COL24A1: variants seen among roughly 807,000 people sequenced by gnomAD.
COL24A1 encodes collagen type XXIV alpha 1 chain, also known as collagen alpha-1(XXIV) chain.
Under a neutral mutation model 253.9 loss-of-function variants are expected in COL24A1, and 224 were observed. That is an observed-to-expected ratio of 0.88 (90% CI 0.79 to 0.99). The LOEUF (loss-of-function observed/expected upper bound fraction) is 0.99, where lower values mean the gene tolerates loss of function less well. COL24A1 is among the 50% of genes least tolerant of loss of function. The pLI is 0.00. For missense variants in COL24A1, 2,131 were observed against 2,068.5 expected, an observed-to-expected ratio of 1.03 and a Z score of -0.59; for synonymous variants, 685 against 673.7, an observed-to-expected ratio of 1.02 and a Z score of -0.26.
chr1:86,071,561 C>T (rs1701874857), intron 7 of COL24A1, among the ~76,000 whole-genome samples: 3 of 151,974 alleles, frequency 2.0e-5, no homozygotes, highest in African/African-American at 7.3e-5. Flanking sequence ...AAAGATATTC[C>T]ATGCCAATGG....
chr1:86,102,514 G>A (rs1190622853), intron 5 of COL24A1, among the ~76,000 whole-genome samples: 1 of 151,998 alleles, frequency 6.6e-6, no homozygotes, highest in Non-Finnish European at 1.5e-5. Flanking sequence ...TGATATGGGT[G>A]TTTAGTGCAA....
At position 85,993,441 on chromosome 1, in the gene COL24A1, G is replaced by GCC. The variant is rs1360713433; in HGVS notation, c.2311-5788_2311-5787insGG. Among the ~76,000 whole-genome samples the GCC allele has an allele frequency of 2.7e-4, 29 of 109,158 alleles. 1 individual carries two copies. Among genetic ancestry groups the GCC allele is most frequent in the South Asian group, 1.7e-3 (5 of 2,930 alleles). The allele number at this position is 109,158 out of a possible 152,430, so 71.6% of individuals were successfully genotyped here. On this transcript the variant is annotated intron_variant, in intron 19 of 59. Transcript: ENST00000370571. ...GTCTTATGCTAAGTGAAAGAAGCCA[G>GCC]ACAAAAAAAAAAGAGTACATACTAT...
chr1:85,764,453 GAT>G (rs1667149530), intron 53 of COL24A1, among the ~76,000 whole-genome samples: 1 of 106,592 alleles, frequency 9.4e-6, no homozygotes, highest in African/African-American at 3.9e-5. Context: ...CTAGGTGGAG[GAT>G]ACACACACAC....
chr1:85,762,542 TCAAA>T (rs1666943780), intron 53 of COL24A1, among the ~76,000 whole-genome samples: 1 of 152,196 alleles, frequency 6.6e-6, no homozygotes, highest in Non-Finnish European at 1.5e-5. Context: ...TTAATACTAG[TCAAA>T]ATTAATACTA....
At chr1:85,907,166 A>T (rs1162919568) in intron 28 of COL24A1, 28 bp downstream of exon 28, 1 of 1,577,174 alleles carries the variant, frequency 6.3e-7, no homozygotes, top group Admixed American at 1.7e-5. Flanking sequence ...TGGGGGGGTT[A>T]ATGTACTTTT....
At chr1:85,921,112 AAC>A (rs1402576145) in intron 24 of COL24A1, among the ~76,000 whole-genome samples, 1 of 152,176 alleles carries the variant, frequency 6.6e-6, no homozygotes, top group Non-Finnish European at 1.5e-5. Flanking sequence ...ATGGAGGGTG[AAC>A]CAAATCAGGG....
At chr1:85,992,082 C>T (rs1694335879) in intron 19 of COL24A1, among the ~76,000 whole-genome samples, 1 of 152,008 alleles carries the variant, frequency 6.6e-6, no homozygotes, top group South Asian at 2.1e-4. Flanking sequence ...CTCCCCCCAC[C>T]CCACAACAGG....
chr1:85,891,105 C>T (rs995615813), intron 31 of COL24A1, among the ~76,000 whole-genome samples: 3 of 151,514 alleles, frequency 2.0e-5, no homozygotes, highest in Non-Finnish European at 2.9e-5. Flanking sequence ...GACTAGAGTG[C>T]AGCAGCATGA....
At chr1:85,824,151 A>T (rs986382962) in intron 43 of COL24A1, among the ~76,000 whole-genome samples, 1 of 152,150 alleles carries the variant, frequency 6.6e-6, no homozygotes, top group Non-Finnish European at 1.5e-5. Flanking sequence ...AGCATAAGTG[A>T]CACAGAGGTA....
rs879794472 is a variant in COL24A1 at position 85,747,214 on chromosome 1, C to T, written c.4438-1708G>A. On this transcript the variant is annotated intron_variant, in intron 55 of 59. Transcript: ENST00000370571. ...GCAACCTCCGCTTCCCAGGTTCAAG[C>T]GATTCTCCTGCCTCTCAGCCTCCCA... 4.0e-5 allele frequency among the ~76,000 whole-genome samples: 6 copies of T among 149,796 alleles called. No homozygotes were observed. The South Asian group carries it at 6.3e-4, about 16-fold the overall frequency.
intron 1 of COL24A1, among the ~76,000 whole-genome samples, chr1:86,151,149 A>C (rs1418682646): frequency 6.6e-6 from 1 of 152,074 alleles, no homozygotes; most frequent in African/African-American, 2.4e-5. Flanking sequence ...ATTTAACCAC[A>C]AAACTGTAAC....
chr1:85,950,108 C>CA (rs1181643850), intron 24 of COL24A1, among the ~76,000 whole-genome samples: 41 of 151,736 alleles, frequency 2.7e-4, no homozygotes, highest in Non-Finnish European at 8.8e-5. Flanking sequence ...GGTTATCCCA[C>CA]AAAAAAAATG....
rs112427031 is a variant in COL24A1, at chr1:85,946,063, G to A, written c.2562+15186C>T. 2.3e-3 allele frequency among the ~76,000 whole-genome samples: 357 copies of A among 152,204 alleles called. 5 individuals carry two copies. Among genetic ancestry groups the A allele is most frequent in the African/African-American group, 8.2e-3 (341 of 41,522 alleles). On this transcript the variant is annotated intron_variant, in intron 24 of 59. Coordinates refer to ENST00000370571, the MANE Select transcript of COL24A1 (RefSeq NM_152890.7). ...GTGGTTCATTGTGCCTCAACTGTTT[G>A]TGCAAACAATATAGTTTATGCTAAA...
intron 47 of COL24A1, among the ~76,000 whole-genome samples, chr1:85,797,820 G>A (rs1269811425): frequency 6.6e-6 from 1 of 152,118 alleles, no homozygotes; most frequent in Non-Finnish European, 1.5e-5. Context: ...GAAATGCACA[G>A]CACACATCAG....
chr1:85,930,260 C>T (rs1196189863), intron 24 of COL24A1, among the ~76,000 whole-genome samples: 4 of 11,122 alleles, frequency 3.6e-4, no homozygotes, highest in Non-Finnish European at 4.4e-4. Context: ...ATATCACCAC[C>T]GATCCCACAG....
intron 47 of COL24A1, among the ~76,000 whole-genome samples, chr1:85,806,133 ATAAC>A (rs1427139951): frequency 4.6e-5 from 7 of 152,004 alleles, no homozygotes; most frequent in African/African-American, 1.7e-4. Context: ...TTTATATTAA[ATAAC>A]TAAAATGATA....
chr1:86,151,699 A>T (rs1440321971), intron 1 of COL24A1, among the ~76,000 whole-genome samples: 1 of 152,212 alleles, frequency 6.6e-6, no homozygotes, highest in Non-Finnish European at 1.5e-5. Context: ...CTTCCTCTTT[A>T]TTCAAAAGAT....
At chr1:85,919,724 C>G (rs957770409) in intron 24 of COL24A1, among the ~76,000 whole-genome samples, 1 of 152,070 alleles carries the variant, frequency 6.6e-6, no homozygotes, top group Admixed American at 6.6e-5. Context: ...GAGAGAGCAC[C>G]TGGTTTTCTT....
chr1:85,920,112 A>G lies in COL24A1; in HGVS notation c.2563-8679T>C, dbSNP rs181823896. 1.7e-3 allele frequency among the ~76,000 whole-genome samples: 254 copies of G among 152,342 alleles called. 2 individuals carry two copies. The highest frequency in any genetic ancestry group is 5.8e-3 in the African/African-American group (243 of 41,594). ...TGGAGAGGATATAGAGATGAGTAAA[A>G]TATACTAAGGAGTTCAAAATCCAGT... is the stretch of plus-strand genomic sequence containing the variant. On this transcript the variant is annotated intron_variant, in intron 24 of 59. Coordinates refer to ENST00000370571, the MANE Select transcript of COL24A1 (RefSeq NM_152890.7).
Sources: gnomAD v4.1 joint callset for allele counts (sites outside exome capture counted in the v4.1 genomes callset) on GRCh38, gnomAD v4.1.1 for gene constraint, MANE v1.5 for transcripts, NCBI Gene and HGNC (gene_info 2026-07-23, HGNC 2026-07-21) for gene names.